Variants in ADAMTS12 observed in about 807,000 individuals in gnomAD.
The protein encoded by ADAMTS12 is ADAM metallopeptidase with thrombospondin type 1 motif 12.
A neutral mutation model predicts 167.8 loss-of-function variants in ADAMTS12; 118 were observed. The ratio of observed to expected loss-of-function variants is 0.70; its 90% CI spans 0.61 to 0.82. The LOEUF (loss-of-function observed/expected upper bound fraction) is 0.82, where lower values mean the gene tolerates loss of function less well. ADAMTS12 is among the 40% of genes least tolerant of loss of function. The pLI is 0.00. For missense variants in ADAMTS12, 1,916 were observed against 1,998.8 expected (o/e 0.96, Z 0.79); for synonymous variants, 704 against 716.9 (o/e 0.98, Z 0.29).
intron 11 of ADAMTS12, among the ~76,000 whole-genome samples, chr5:33,641,271 C>T (rs898787295): frequency 1.2e-4 from 18 of 152,028 alleles, no homozygotes; most frequent in African/African-American, 4.3e-4. Context: ...TTGCAGAATC[C>T]TTAACAGGCC....
At chr5:33,879,500 C>T (rs1335830123) in intron 2 of ADAMTS12, among the ~76,000 whole-genome samples, 4 of 152,226 alleles carry the variant, frequency 2.6e-5, no homozygotes, top group African/African-American at 9.6e-5. Flanking sequence ...GAGTCCAGAG[C>T]AAGCCTAGAT....
At chr5:33,664,240 G>A (rs994240287) in intron 5 of ADAMTS12, among the ~76,000 whole-genome samples, 1 of 152,040 alleles carries the variant, frequency 6.6e-6, no homozygotes, top group Non-Finnish European at 1.5e-5. Flanking sequence ...AAAATAAAGT[G>A]GAACGTATCA....
rs141359538 is a variant in ADAMTS12 at position 33,674,553 on chromosome 5, C to T, written c.915+8465G>A. The stretch of plus-strand genomic sequence containing the variant: ...CTTCCTCTGGGGCAAAAGTTGGACA[C>T]GTTTGCTTACAATCTGTTTTAAAGG... On this transcript the variant is annotated intron_variant, in intron 5 of 23. Coordinates refer to ENST00000504830, the MANE Select transcript of ADAMTS12 (RefSeq NM_030955.4). Among the ~76,000 whole-genome samples the T allele has an allele frequency of 2.9e-3, 446 of 152,226 alleles. 2 individuals are homozygous for T. The highest frequency in any genetic ancestry group is 9.9e-3 in the African/African-American group (413 of 41,534).
intron 2 of ADAMTS12, among the ~76,000 whole-genome samples, chr5:33,851,465 C>G: frequency 6.6e-6 from 1 of 152,098 alleles, no homozygotes; most frequent in African/African-American, 2.4e-5. Flanking sequence ...AAATTTGAAT[C>G]TCTTTATTGA....
chr5:33,676,506 C>T (rs775816894), intron 5 of ADAMTS12, among the ~76,000 whole-genome samples: 6 of 149,944 alleles, frequency 4.0e-5, no homozygotes, highest in South Asian at 4.2e-4. Context: ...GCTTGGGCAA[C>T]GTAGTGAGAC....
At chr5:33,863,000 T>G (rs549285453) in intron 2 of ADAMTS12, among the ~76,000 whole-genome samples, 1 of 152,190 alleles carries the variant, frequency 6.6e-6, no homozygotes, top group Non-Finnish European at 1.5e-5. Flanking sequence ...CACCCCTTCA[T>G]GCTAAAAACA....
At chr5:33,846,428 C>T (rs10472899) in intron 2 of ADAMTS12, among the ~76,000 whole-genome samples, 3,491 of 152,290 alleles carry the variant, frequency 0.023, 139 homozygotes, top group African/African-American at 0.08. Context: ...GCTGTAATAG[C>T]CCCCAAAGCC....
intron 2 of ADAMTS12, among the ~76,000 whole-genome samples, chr5:33,802,773 G>A (rs916232768): frequency 2.6e-5 from 4 of 152,138 alleles, no homozygotes; most frequent in African/African-American, 4.8e-5. Context: ...AGCTACAAAT[G>A]TTAGCAATAG....
chr5:33,764,824 A>C (rs1017519196), intron 2 of ADAMTS12, among the ~76,000 whole-genome samples: 6 of 151,978 alleles, frequency 3.9e-5, no homozygotes, highest in Admixed American at 6.6e-5. Context: ...TTTCTTAAAC[A>C]AGGCCCAAAT....
At chr5:33,539,591 T>C (rs1471648894) in intron 22 of ADAMTS12, among the ~76,000 whole-genome samples, 1 of 152,130 alleles carries the variant, frequency 6.6e-6, no homozygotes, top group Non-Finnish European at 1.5e-5. Flanking sequence ...CCTTCTCAAC[T>C]CAAGACCCAC....
chr5:33,594,483 T>C (rs567988296), intron 17 of ADAMTS12, among the ~76,000 whole-genome samples: 35 of 152,158 alleles, frequency 2.3e-4, no homozygotes, highest in Non-Finnish European at 3.8e-4. Flanking sequence ...CAGTCAAAAA[T>C]CTCACAGTTC....
chr5:33,633,608 A>G (rs1579779173), intron 12 of ADAMTS12, among the ~76,000 whole-genome samples: 1 of 152,070 alleles, frequency 6.6e-6, no homozygotes, highest in East Asian at 1.9e-4. Flanking sequence ...CTGAGCCTGA[A>G]GTCCTCCTCT....
chr5:33,696,542 A>T (rs1742784052), intron 3 of ADAMTS12, among the ~76,000 whole-genome samples: 3 of 151,970 alleles, frequency 2.0e-5, no homozygotes. Flanking sequence ...CTTTTCCGGG[A>T]CCCTAACTGA....
At chr5:33,649,730 A>G (rs780007351) in intron 7 of ADAMTS12, 33 bp from the exon 8 acceptor site, 3 of 1,610,092 alleles carry the variant, frequency 1.9e-6, no homozygotes, top group African/African-American at 1.3e-5. Context: ...AAGAAGAGCC[A>G]GCAGGCAGGC....
chr5:33,876,833 A>C (rs1460806073), intron 2 of ADAMTS12, among the ~76,000 whole-genome samples: 1 of 152,236 alleles, frequency 6.6e-6, no homozygotes, highest in African/African-American at 2.4e-5. Flanking sequence ...GTAATTTTGC[A>C]AGATGTTGCC....
intron 7 of ADAMTS12, among the ~76,000 whole-genome samples, chr5:33,652,474 GTTGT>G (rs1333281244): frequency 2.0e-5 from 3 of 151,940 alleles, no homozygotes; most frequent in East Asian, 1.9e-4. Flanking sequence ...TTTTAATGGG[GTTGT>G]TTATTTTTTC....
chr5:33,738,608 T>A (rs1744449136), intron 3 of ADAMTS12, among the ~76,000 whole-genome samples: 1 of 152,360 alleles, frequency 6.6e-6, no homozygotes, highest in African/African-American at 2.4e-5. Flanking sequence ...TCAAAATTGA[T>A]CTTCCTAACA....
Position 33,881,607 on chromosome 5 carries a change from G to A in ADAMTS12, c.128-127C>T, listed in dbSNP as rs1750449970. On this transcript the variant is annotated intron_variant, in intron 1 of 23. Coordinates refer to ENST00000504830, the MANE Select transcript of ADAMTS12 (RefSeq NM_030955.4). The stretch of plus-strand genomic sequence containing the variant: ...ATGGAGTTTTGCTCTTGTTTCCCAG[G>A]CTGGAGTGCAATGGCACGATCCGGG... The A allele has an allele frequency of 2.9e-6, 4 of 1,356,654 alleles. No homozygotes were observed. In the African/African-American group the frequency reaches 4.4e-5, roughly 15 times the overall value. 84.0% of individuals were successfully genotyped at this position (1,356,654 alleles called of 1,614,324 possible).
chr5:33,578,256 C>T (rs1199385433), intron 18 of ADAMTS12, among the ~76,000 whole-genome samples: 1 of 152,154 alleles, frequency 6.6e-6, no homozygotes, highest in Non-Finnish European at 1.5e-5. Context: ...GCTGCGCAAA[C>T]ATTATTCTGT....
Sources: gnomAD v4.1 joint callset for allele counts (sites outside exome capture counted in the v4.1 genomes callset) on GRCh38, gnomAD v4.1.1 for gene constraint, MANE v1.5 for transcripts, NCBI Gene and HGNC (gene_info 2026-07-23, HGNC 2026-07-21) for gene names.